The following CELF2 variants were observed in gnomAD, a reference collection of about 807,000 sequenced individuals.
The protein encoded by CELF2 is CUGBP Elav-like family member 2, also known as CUG triplet repeat RNA-binding protein 2.
A neutral mutation model predicts 62.6 loss-of-function variants in CELF2; 8 were observed. The ratio of observed to expected loss-of-function variants is 0.13; its 90% CI spans 0.07 to 0.23. The LOEUF is 0.23. Ranked by LOEUF, CELF2 falls within the 10% of genes least tolerant of loss-of-function variation. The probability of loss-of-function intolerance (pLI) is 1.00; values close to 1 mark genes in which losing one functional copy is unlikely to be tolerated. For missense variants in CELF2, 333 were observed against 671.0 expected (o/e 0.50, Z 5.56); for synonymous variants, 258 against 250.0 (o/e 1.03, Z -0.30).
At chr10:10,836,698 C>T (rs555697028) in intron 1 of CELF2, among the ~76,000 whole-genome samples, 3 of 152,314 alleles carry the variant, frequency 2.0e-5, no homozygotes, top group East Asian at 1.9e-4. Flanking sequence ...TGCCATGGCA[C>T]GATCTTGGCT....
At chr10:10,551,279 G>A in the CELF2 span, among the ~76,000 whole-genome samples, 19 of 152,288 alleles carry the variant, frequency 1.2e-4, no homozygotes, top group African/African-American at 4.6e-4. Flanking sequence ...TGGCATTTTA[G>A]AGTTGCCCCT....
At chr10:11,003,091 T>C (rs1326989983), upstream of CELF2, among the ~76,000 whole-genome samples, 2 of 152,198 alleles carry the variant, frequency 1.3e-5, no homozygotes, top group African/African-American at 2.4e-5. The surrounding 1 kb of genome is among the most constrained non-coding windows in gnomAD (Gnocchi z 4.4). Context: ...ATAACCCAGG[T>C]TTAGCACATG....
chr10:10,501,423 T>C, the CELF2 span, among the ~76,000 whole-genome samples: 1 of 152,350 alleles, frequency 6.6e-6, no homozygotes, highest in East Asian at 1.9e-4. Flanking sequence ...AAATATCTCC[T>C]GTCTTTTGCC....
the CELF2 span, among the ~76,000 whole-genome samples, chr10:10,472,313 G>A: frequency 6.6e-6 from 1 of 151,568 alleles, no homozygotes; most frequent in South Asian, 2.1e-4. Flanking sequence ...TGGGTAATTT[G>A]TATTGATTTA....
intron 1 of CELF2, among the ~76,000 whole-genome samples, chr10:11,122,863 G>A (rs1219774607): frequency 3.3e-5 from 5 of 152,190 alleles, no homozygotes; most frequent in African/African-American, 1.2e-4. Flanking sequence ...CAGCAGAACT[G>A]TGGGAGTATG....
At chr10:11,112,588 G>T (rs186345037) in intron 1 of CELF2, among the ~76,000 whole-genome samples, 2 of 152,246 alleles carry the variant, frequency 1.3e-5, no homozygotes, top group South Asian at 4.1e-4. Flanking sequence ...GGAAGAAGTA[G>T]ATGTGGTGGA....
rs374495948 is a variant in CELF2, at chr10:11,237,328, T to A, written c.355-11825T>A. Among the ~76,000 whole-genome samples the A allele has an allele frequency of 6.6e-6, 1 of 152,200 alleles. No individual in the cohort carries two copies. The highest frequency in any genetic ancestry group is 2.4e-5 in the African/African-American group (1 of 41,454). ...AGAGCTGCCCCCATCCCGGGGTTGATGTCCCCATAAGCCGTGGTCTCTGTC... is the reference window on the plus strand; with the variant it reads ...AGAGCTGCCCCCATCCCGGGGTTGAAGTCCCCATAAGCCGTGGTCTCTGTC... On this transcript the variant is annotated intron_variant, in intron 3 of 12. Transcript: ENST00000633077. The surrounding 1 kb of genome is among the most constrained non-coding windows in gnomAD (Gnocchi z 4.0).
chr10:10,787,136 A>T, the CELF2 span, among the ~76,000 whole-genome samples: 1 of 152,114 alleles, frequency 6.6e-6, no homozygotes, highest in Non-Finnish European at 1.5e-5. Flanking sequence ...GTAATTATAA[A>T]GTGACATATT....
In CELF2 at chr10:10,801,901, T is replaced by C. The variant is rs570534121; in HGVS notation, c.53+3084T>C. 9.8e-5 allele frequency among the ~76,000 whole-genome samples: 15 copies of C among 152,312 alleles called. No individual in the cohort carries two copies. The East Asian group carries it at 2.9e-3, about 29-fold the overall frequency. On this transcript the variant is annotated intron_variant, in intron 1 of 13. Transcript: ENST00000636488. ...TAAGCCTTTCTCAAGAACTGTCTAT[T>C]TGAAATCGCTCCATCCTTGTTCCAT...
chr10:10,622,480 A>G, the CELF2 span, among the ~76,000 whole-genome samples: 33 of 143,316 alleles, frequency 2.3e-4, no homozygotes, highest in South Asian at 8.7e-4. Flanking sequence ...GTGTGTGTGT[A>G]TATATATATA....
chr10:11,160,772 G>C (rs1029951164), intron 1 of CELF2, among the ~76,000 whole-genome samples: 27 of 151,218 alleles, frequency 1.8e-4, no homozygotes, highest in Non-Finnish European at 7.4e-5. Context: ...TATTTAGTTT[G>C]CATTCTGAAG....
At position 10,847,558 on chromosome 10, in the gene CELF2, A is replaced by T. The variant is rs1384145061; in HGVS notation, c.53+48741A>T. Among the ~76,000 whole-genome samples the T allele has an allele frequency of 7.9e-5, 12 of 152,214 alleles. No homozygotes were observed. The East Asian group carries it at 2.3e-3, about 29-fold the overall frequency. On this transcript the variant is annotated intron_variant, in intron 1 of 13. Transcript: ENST00000636488. Reference sequence around the variant, plus strand: ...GCACGATGTATAACAATTCAGATTCATGTCCTCCCAAGAGGAAGGGTGGCT... The same window carrying T: ...GCACGATGTATAACAATTCAGATTCTTGTCCTCCCAAGAGGAAGGGTGGCT...
chr10:11,036,511 TATC>T, intron 1 of CELF2, among the ~76,000 whole-genome samples: 1 of 152,374 alleles, frequency 6.6e-6, no homozygotes, highest in South Asian at 2.1e-4. Flanking sequence ...TCCCTAATCT[TATC>T]TTTTGCTAAA....
chr10:11,197,083 G>GAAGA lies in CELF2; in HGVS notation c.272-20332_272-20329dup, dbSNP rs1554936936. On this transcript the variant is annotated intron_variant, in intron 2 of 12. Transcript: ENST00000633077. The stretch of plus-strand genomic sequence containing the variant: ...AAAAGAAAGAAAGGAAAGAAAGAAA[G>GAAGA]AAGAAAGAAAGAAGGGTTCCCATTG... Among the ~76,000 whole-genome samples the GAAGA allele has an allele frequency of 9.0e-4, 103 of 114,808 alleles. 8 individuals carry two copies. Among genetic ancestry groups the GAAGA allele is most frequent in the African/African-American group, 2.7e-3 (76 of 28,648 alleles). The allele number at this position is 114,808 out of a possible 152,430, so 75.3% of individuals were successfully genotyped here.
chr10:10,725,537 G>A, the CELF2 span, among the ~76,000 whole-genome samples: 2 of 152,186 alleles, frequency 1.3e-5, no homozygotes, highest in African/African-American at 4.8e-5. Flanking sequence ...TTCAACTCTA[G>A]TAACTTGAGT....
intron 1 of CELF2, among the ~76,000 whole-genome samples, chr10:10,799,664 T>G (rs894308771): frequency 2.1e-4 from 28 of 135,302 alleles, no homozygotes; most frequent in Non-Finnish European, 1.5e-5. Context: ...ACATAAAGTC[T>G]TTCTCTGAAT....
chr10:10,800,589 G>A (rs1159750277), intron 1 of CELF2, among the ~76,000 whole-genome samples: 5 of 152,100 alleles, frequency 3.3e-5, no homozygotes, highest in African/African-American at 4.8e-5. Flanking sequence ...CTGACCTCAG[G>A]TGATACACCC....
chr10:10,463,248 T>C, the CELF2 span, among the ~76,000 whole-genome samples: 2 of 152,164 alleles, frequency 1.3e-5, no homozygotes, highest in African/African-American at 4.8e-5. Context: ...TCAACCCAAT[T>C]AAATTCAACA....
the CELF2 span, among the ~76,000 whole-genome samples, chr10:10,547,350 C>T: frequency 6.6e-6 from 1 of 152,182 alleles, no homozygotes; most frequent in African/African-American, 2.4e-5. Flanking sequence ...GGTTCTACAC[C>T]TGTCAGAAAT....
Sources: allele counts gnomAD v4.1 joint callset (sites outside exome capture counted in the v4.1 genomes callset), GRCh38; gene constraint gnomAD v4.1.1; non-coding constraint Gnocchi (gnomAD v3.1); transcripts MANE v1.5; gene names NCBI Gene and HGNC (gene_info 2026-07-23, HGNC 2026-07-21).